The following STXBP4 variants were observed in gnomAD, a reference collection of about 807,000 sequenced individuals.
STXBP4 encodes syntaxin-binding protein 4.
In STXBP4, 55 loss-of-function variants were observed where a neutral mutation model predicts 76.1. The observed-to-expected ratio is 0.72, with a 90% CI of 0.58 to 0.91. The LOEUF (loss-of-function observed/expected upper bound fraction) is 0.91, where lower values mean the gene tolerates loss of function less well. Among genes scored for constraint, STXBP4 ranks in the 40% least tolerant of loss-of-function variants. The pLI is 0.00. For missense variants in STXBP4, 618 were observed against 636.9 expected (o/e 0.97, Z 0.32); for synonymous variants, 201 against 220.2 (o/e 0.91, Z 0.77).
chr17:55,098,055 G>A (rs552710691), intron 16 of STXBP4, among the ~76,000 whole-genome samples: 1 of 152,152 alleles, frequency 6.6e-6, no homozygotes, highest in African/African-American at 2.4e-5. Flanking sequence ...TGTGTAAAAG[G>A]ATTATTTTGT....
At chr17:55,034,290 A>G in intron 10 of STXBP4, 31 bp downstream of exon 10, 2 of 1,507,626 alleles carry the variant, frequency 1.3e-6, no homozygotes, top group South Asian at 1.3e-5. Context: ...TTGCTTTGAC[A>G]TGTATAAGTC....
At chr17:55,107,234 C>T (rs1320400856) in intron 16 of STXBP4, among the ~76,000 whole-genome samples, 1 of 152,066 alleles carries the variant, frequency 6.6e-6, no homozygotes, top group Non-Finnish European at 1.5e-5. Flanking sequence ...ATTTGGCTAT[C>T]GATACTCATG....
At chr17:54,973,586 G>A (rs941659692) in intron 1 of STXBP4, among the ~76,000 whole-genome samples, 1 of 152,202 alleles carries the variant, frequency 6.6e-6, no homozygotes, top group Non-Finnish European at 1.5e-5. Context: ...ACAACATTGG[G>A]AGATGCTGAA....
chr17:55,135,212 A>G (rs2628317), intron 16 of STXBP4, among the ~76,000 whole-genome samples: 31,606 of 152,130 alleles, frequency 0.21, 3,813 homozygotes, highest in Non-Finnish European at 0.28. Context: ...GAAATTTTTA[A>G]CAATGATGTT....
chr17:55,053,546 G>C lies in STXBP4; in HGVS notation c.1011+6392G>C, dbSNP rs537039808. 3.3e-5 allele frequency among the ~76,000 whole-genome samples: 5 copies of C among 152,204 alleles called. No homozygotes were observed. The South Asian group carries it at 8.3e-4, about 25-fold the overall frequency. On this transcript the variant is annotated intron_variant, in intron 12 of 17. Transcript: ENST00000376352. ...CAAAAGGATGAACCTGGGGAATTAG[G>C]TAAATCTGGGTAAAGGATATGAGGA...
chr17:55,136,679 T>TGGGGC (rs1426130623), intron 16 of STXBP4, among the ~76,000 whole-genome samples: 1 of 152,242 alleles, frequency 6.6e-6, no homozygotes, highest in East Asian at 1.9e-4. Context: ...AATCAAGGCT[T>TGGGGC]GCCCCCACCC....
intron 17 of STXBP4, among the ~76,000 whole-genome samples, chr17:55,158,005 CCTATT>C (rs2080300496): frequency 6.6e-6 from 1 of 152,136 alleles, no homozygotes; most frequent in Non-Finnish European, 1.5e-5. Context: ...AGTAAAGAAA[CCTATT>C]CAATTATGTC....
At chr17:55,108,776 C>G (rs1024094941) in intron 16 of STXBP4, among the ~76,000 whole-genome samples, 1 of 152,164 alleles carries the variant, frequency 6.6e-6, no homozygotes, top group Non-Finnish European at 1.5e-5. Flanking sequence ...AGCTGGGTAC[C>G]TCAGTTGGAA....
chr17:55,196,382 C>T, the STXBP4 span, among the ~76,000 whole-genome samples: 1 of 152,192 alleles, frequency 6.6e-6, no homozygotes, highest in Non-Finnish European at 1.5e-5. Context: ...TCCACTTCCA[C>T]GTACAGCATT....
In STXBP4 at chr17:55,166,354, C is replaced by A. The variant is rs1363116243; in HGVS notation, c.*6443C>A. On this transcript the variant is annotated 3_prime_UTR_variant, in exon 18 of 18. Transcript: ENST00000376352. ...ATAGCTTCTTCCTTCTCCACCACACCTGTCCCCATCAATCTACCCATCACA... is the reference window on the plus strand; with the variant it reads ...ATAGCTTCTTCCTTCTCCACCACACATGTCCCCATCAATCTACCCATCACA... 1 of 152,184 alleles carries A rather than the reference C, an allele frequency of 6.6e-6. No individual in the cohort carries two copies. Among genetic ancestry groups the A allele is most frequent in the Non-Finnish European group, 1.5e-5 (1 of 68,036 alleles). The allele number at this position is 152,184 out of a possible 1,614,324, so 9.4% of individuals were successfully genotyped here.
intron 9 of STXBP4, among the ~76,000 whole-genome samples, chr17:55,033,661 A>G (rs1264799260): frequency 1.3e-5 from 2 of 152,188 alleles, no homozygotes; most frequent in East Asian, 3.9e-4. Flanking sequence ...AGTTGAAGGC[A>G]TTTAACCTGT....
intron 4 of STXBP4, chr17:54,991,930 A>C (rs1437251759): frequency 1.3e-5 from 2 of 152,042 alleles, no homozygotes; most frequent in Admixed American, 1.3e-4. Context: ...ACTTTTACCC[A>C]CCGCCCATAT....
chr17:55,137,651 T>C (rs2080047378), intron 16 of STXBP4, among the ~76,000 whole-genome samples: 1 of 152,130 alleles, frequency 6.6e-6, no homozygotes, highest in South Asian at 2.1e-4. Flanking sequence ...TCTCTATTGC[T>C]AAAATAGGGA....
At chr17:55,135,945 T>C (rs572504833) in intron 16 of STXBP4, among the ~76,000 whole-genome samples, 1 of 152,264 alleles carries the variant, frequency 6.6e-6, no homozygotes, top group South Asian at 2.1e-4. Context: ...CCACAGTGCT[T>C]AAAAGCATAG....
chr17:55,073,851 C>T (rs995918897), intron 13 of STXBP4, among the ~76,000 whole-genome samples: 2 of 152,044 alleles, frequency 1.3e-5, no homozygotes, highest in African/African-American at 4.8e-5. Context: ...CTGGTCTTGA[C>T]CTCCTGACCT....
At chr17:55,127,436 T>G (rs1429566190) in intron 16 of STXBP4, among the ~76,000 whole-genome samples, 1 of 152,182 alleles carries the variant, frequency 6.6e-6, no homozygotes, top group East Asian at 1.9e-4. Context: ...GGGATGCATG[T>G]TTTCAATGGT....
chr17:55,080,786 TAGG>T (rs1378319653), intron 15 of STXBP4, among the ~76,000 whole-genome samples: 1 of 152,150 alleles, frequency 6.6e-6, no homozygotes, highest in African/African-American at 2.4e-5. Flanking sequence ...ACAAATGATT[TAGG>T]AGACAGGTCA....
At chr17:55,003,175 A>G (rs976682242) in intron 7 of STXBP4, among the ~76,000 whole-genome samples, 3 of 152,210 alleles carry the variant, frequency 2.0e-5, no homozygotes, top group Non-Finnish European at 4.4e-5. Flanking sequence ...AAAGCATAGA[A>G]CTAAGGATGA....
chr17:55,206,275 T>A, the STXBP4 span, among the ~76,000 whole-genome samples: 6 of 152,130 alleles, frequency 3.9e-5, no homozygotes, highest in African/African-American at 1.4e-4. Context: ...AAAATGGCTG[T>A]GGGGTGATTG....
Sources: allele counts gnomAD v4.1 joint callset (sites outside exome capture counted in the v4.1 genomes callset), GRCh38; gene constraint gnomAD v4.1.1; transcripts MANE v1.5; gene names NCBI Gene and HGNC (gene_info 2026-07-23, HGNC 2026-07-21).